MKRN2: variants seen among roughly 807,000 people sequenced by gnomAD.
The protein encoded by MKRN2 is makorin ring finger protein 2.
MKRN2 carries 32 observed loss-of-function variants against 45.4 expected under a neutral mutation model. The observed-to-expected ratio is 0.70, with a 90% confidence interval of 0.53 to 0.95. MKRN2 has a LOEUF of 0.95. Among genes scored for constraint, MKRN2 ranks in the 40% least tolerant of loss-of-function variants. MKRN2 has a pLI of 0.00. For synonymous variants in MKRN2, 206 were observed against 192.4 expected (o/e 1.07, Z -0.59); for missense variants, 526 against 536.7 (o/e 0.98, Z 0.20).
intron 1 of MKRN2, among the ~76,000 whole-genome samples, chr3:12,557,786 T>C (rs973339646): frequency 6.6e-6 from 1 of 152,234 alleles, no homozygotes; most frequent in African/African-American, 2.4e-5. Flanking sequence ...GTAGTTATTA[T>C]TACCATTTTA....
chr3:12,578,568 C>T (rs2058157347), intron 6 of MKRN2, among the ~76,000 whole-genome samples: 1 of 152,042 alleles, frequency 6.6e-6, no homozygotes, highest in South Asian at 2.1e-4. Flanking sequence ...CCACCTGCCT[C>T]GGCCTCCCAA....
chr3:12,575,043 G>C (rs544350131), intron 5 of MKRN2, 37 bp downstream of exon 5: 32 of 1,573,010 alleles, frequency 2.0e-5, no homozygotes, highest in Non-Finnish European at 2.6e-5. Flanking sequence ...TGGGAGCTAG[G>C]AGAATGTTTG....
At chr3:12,578,565 C>T (rs767155574) in intron 6 of MKRN2, among the ~76,000 whole-genome samples, 89 of 152,084 alleles carry the variant, frequency 5.9e-4, no homozygotes, top group Non-Finnish European at 1.1e-3. Flanking sequence ...AATCCACCTG[C>T]CTCGGCCTCC....
chr3:12,565,263 C>T (rs911093347), intron 1 of MKRN2, among the ~76,000 whole-genome samples: 2 of 152,144 alleles, frequency 1.3e-5, no homozygotes, highest in African/African-American at 4.8e-5. Context: ...GGCCTAGGTC[C>T]CACGTACAGC....
chr3:12,576,046 G>A (rs1559391081), intron 5 of MKRN2, among the ~76,000 whole-genome samples: 1 of 152,162 alleles, frequency 6.6e-6, no homozygotes, highest in African/African-American at 2.4e-5. Flanking sequence ...GCGTGGGATT[G>A]CTAGGTTTTA....
chr3:12,561,768 A>G (rs1226284415), intron 1 of MKRN2, among the ~76,000 whole-genome samples: 1 of 149,868 alleles, frequency 6.7e-6, no homozygotes, highest in African/African-American at 2.5e-5. Context: ...GGCTCTTGGC[A>G]CTGACTTTTT....
intron 1 of MKRN2, among the ~76,000 whole-genome samples, chr3:12,557,540 C>G (rs1575512968): frequency 6.6e-6 from 1 of 152,196 alleles, no homozygotes; most frequent in East Asian, 1.9e-4. Flanking sequence ...AGTAAAGGGA[C>G]GCCGAGAGGA....
At chr3:12,576,766 G>GCC (rs1559391499) in intron 6 of MKRN2, 25 bp downstream of exon 6, 1 of 1,499,050 alleles carries the variant, frequency 6.7e-7, no homozygotes, top group Non-Finnish European at 9.3e-7. Flanking sequence ...GTTTCGACGT[G>GCC]CCCCTGCTGC....
At chr3:12,562,949 G>T (rs2450857) in intron 1 of MKRN2, among the ~76,000 whole-genome samples, 64,949 of 151,880 alleles carry the variant, frequency 0.43, 14,549 homozygotes, top group African/African-American at 0.53. Context: ...CACAATAAAT[G>T]TAATGTGCTT....
chr3:12,581,891 A>T lies in MKRN2; in HGVS notation c.1052A>T (p.Asp351Val). Residue 351 changes from aspartate to valine, a missense_variant, in exon 7 of 8, where the codon GAT becomes GTT. By Grantham distance (152) the Asp-to-Val change is radical (BLOSUM62 -3). Coordinates refer to ENST00000170447, the MANE Select transcript of MKRN2 (RefSeq NM_014160.5). ...SKCLYRHAYP[D>V]GRLAEPEKPR... Reference sequence around the variant, plus strand: ...TGTCTTTATCGCCATGCTTACCCCGATGGGCGGCTAGCAGAGCCTGAGAAA... The same window carrying T: ...TGTCTTTATCGCCATGCTTACCCCGTTGGGCGGCTAGCAGAGCCTGAGAAA... 1 of 1,614,188 alleles carries T rather than the reference A, an allele frequency of 6.2e-7. No homozygotes were observed. Among genetic ancestry groups the T allele is most frequent in the Non-Finnish European group, 8.5e-7 (1 of 1,180,040 alleles).
intron 4 of MKRN2, 55 bp from the exon 5 acceptor site, chr3:12,574,737 C>G: frequency 6.7e-7 from 1 of 1,487,172 alleles, no homozygotes; most frequent in East Asian, 2.3e-5. Flanking sequence ...TCCTAGGGCT[C>G]CTGCCACTCC....
At chr3:12,574,730 T>C in intron 4 of MKRN2, 62 bp from the exon 5 acceptor site, 1 of 1,459,202 alleles carries the variant, frequency 6.9e-7, no homozygotes, top group Non-Finnish European at 9.5e-7. Flanking sequence ...CAGCTACTCC[T>C]AGGGCTCCTG....
rs1332047987 is a variant in MKRN2 at position 12,574,979 on chromosome 3, C to T, written c.830C>T (p.Ala277Val). ...CLSCIRQWRC[A>V]KQFENPIIKS... ...TCCTGCATCCGGCAGTGGCGGTGTG[C>T]CAAACAGTTTGAAAACCCAATCATT... is the stretch of plus-strand genomic sequence containing the variant. The change falls in exon 5 of 8, where the codon GCC (alanine) becomes GTC (valine). Residue 277 changes from alanine to valine, a missense_variant. By Grantham distance (64) the Ala-to-Val change is moderately conservative (BLOSUM62 0). Coordinates refer to ENST00000170447, the MANE Select transcript of MKRN2 (RefSeq NM_014160.5). 8.7e-6 allele frequency: 14 copies of T among 1,614,170 alleles called. No individual in the cohort carries two copies. Among genetic ancestry groups the T allele is most frequent in the Admixed American group, 1.7e-5 (1 of 60,022 alleles).
chr3:12,569,080 A>G, intron 2 of MKRN2, 77 bp downstream of exon 2: 2 of 1,491,614 alleles, frequency 1.3e-6, no homozygotes, highest in Non-Finnish European at 1.8e-6. Flanking sequence ...GGGAAATTTT[A>G]ATGTAAAAGT....
In MKRN2 at chr3:12,583,535, G is replaced by T. The variant is rs908147876; in HGVS notation, c.*1282G>T. ...GTTCTTGAATTCTGCTCCTGAAGAGGGTGAACAAATGGGGCATTCAAGTTG... is the reference window on the plus strand; with the variant it reads ...GTTCTTGAATTCTGCTCCTGAAGAGTGTGAACAAATGGGGCATTCAAGTTG... On this transcript the variant is annotated 3_prime_UTR_variant, in exon 8 of 8. Coordinates refer to ENST00000170447, the MANE Select transcript of MKRN2 (RefSeq NM_014160.5). 4.7e-6 allele frequency: 1 copy of T among 211,798 alleles called. No homozygotes were observed. The highest frequency in any genetic ancestry group is 9.6e-6 in the Non-Finnish European group (1 of 104,692). The allele number at this position is 211,798 out of a possible 1,614,324, so 13.1% of individuals were successfully genotyped here. A position where few individuals can be genotyped will look rare whatever the true frequency, so the allele number is the denominator to read the frequency against.
chr3:12,565,581 G>T (rs1168546655), intron 1 of MKRN2, among the ~76,000 whole-genome samples: 3 of 132,112 alleles, frequency 2.3e-5, no homozygotes, highest in African/African-American at 8.9e-5. Flanking sequence ...TGTCACCCAG[G>T]CTAGAGTGCA....
chr3:12,576,935 T>G (rs1161714193), intron 6 of MKRN2, 194 bp downstream of exon 6: 3 of 164,546 alleles, frequency 1.8e-5, no homozygotes, highest in East Asian at 1.4e-4. Context: ...GTTTTGGTGT[T>G]TTTTTTTTTT....
intron 1 of MKRN2, among the ~76,000 whole-genome samples, chr3:12,564,374 C>T (rs879685142): frequency 6.6e-6 from 1 of 152,208 alleles, no homozygotes; most frequent in Non-Finnish European, 1.5e-5. Context: ...TTATAATCTA[C>T]TCTTCTCAGT....
intron 1 of MKRN2, among the ~76,000 whole-genome samples, chr3:12,564,339 T>C (rs1246166140): frequency 1.3e-5 from 2 of 152,386 alleles, no homozygotes; most frequent in East Asian, 1.9e-4. Context: ...ACTGTTTTTC[T>C]ATAGAAGCTG....
Sources: gnomAD v4.1 joint callset for allele counts (sites outside exome capture counted in the v4.1 genomes callset) on GRCh38, gnomAD v4.1.1 for gene constraint, MANE v1.5 for transcripts, NCBI Gene and HGNC (gene_info 2026-07-23, HGNC 2026-07-21) for gene names.